The following GLIS3 variants were observed in gnomAD, a reference collection of about 807,000 sequenced individuals.
GLIS3 encodes the protein zinc finger protein GLIS3.
A neutral mutation model predicts 78.6 loss-of-function variants in GLIS3; 53 were observed. The ratio of observed to expected loss-of-function variants is 0.67; its 90% confidence interval spans 0.54 to 0.85. GLIS3 has a LOEUF of 0.85. Ranked by LOEUF, GLIS3 falls within the 40% of genes least tolerant of loss-of-function variation. GLIS3 has a pLI of 0.00. For missense variants in GLIS3, 1,703 were observed against 1,231.1 expected, an observed-to-expected ratio of 1.38 and a Z score of -5.74; for synonymous variants, 684 against 509.9, an observed-to-expected ratio of 1.34 and a Z score of -4.60.
intron 2 of GLIS3, among the ~76,000 whole-genome samples, chr9:4,209,126 AT>A (rs937866920): frequency 1.3e-5 from 2 of 152,200 alleles, no homozygotes; most frequent in African/African-American, 4.8e-5. Context: ...TTCTTCCTGC[AT>A]CAAAATGGAC....
At chr9:4,036,595 G>T (rs900744862) in intron 4 of GLIS3, among the ~76,000 whole-genome samples, 5 of 152,152 alleles carry the variant, frequency 3.3e-5, no homozygotes. Context: ...GAGTGCTAGA[G>T]GAAAAACAGA....
At chr9:3,954,374 C>A (rs945878966) in intron 4 of GLIS3, among the ~76,000 whole-genome samples, 1 of 152,202 alleles carries the variant, frequency 6.6e-6, no homozygotes, top group Non-Finnish European at 1.5e-5. Flanking sequence ...CAGAGCCAGT[C>A]TGCTCACATT....
the GLIS3 span, among the ~76,000 whole-genome samples, chr9:4,438,115 C>T: frequency 2.0e-5 from 3 of 152,062 alleles, no homozygotes; most frequent in African/African-American, 7.2e-5. Context: ...AAACCTAACT[C>T]CAGAACCAGT....
intron 4 of GLIS3, among the ~76,000 whole-genome samples, chr9:4,085,341 C>A (rs1162774454): frequency 6.6e-6 from 1 of 151,876 alleles, no homozygotes; most frequent in East Asian, 1.9e-4. Flanking sequence ...TCTTACTCTG[C>A]ATTTTGAAGA....
the GLIS3 span, among the ~76,000 whole-genome samples, chr9:4,405,418 C>A: frequency 6.6e-6 from 1 of 151,422 alleles, no homozygotes; most frequent in East Asian, 1.9e-4. Flanking sequence ...GAAAGAAATT[C>A]AAATGATCAT....
chr9:4,021,240 G>C (rs1234777104), intron 4 of GLIS3, among the ~76,000 whole-genome samples: 1 of 152,092 alleles, frequency 6.6e-6, no homozygotes, highest in Non-Finnish European at 1.5e-5. Flanking sequence ...TTGGAGGATG[G>C]TTCAAACCAC....
At chr9:4,403,594 T>A in the GLIS3 span, among the ~76,000 whole-genome samples, 20 of 152,318 alleles carry the variant, frequency 1.3e-4, no homozygotes, top group African/African-American at 4.8e-4. Flanking sequence ...GTAGAGTTTT[T>A]ATTAGTTTTC....
At chr9:4,393,097 T>A in the GLIS3 span, among the ~76,000 whole-genome samples, 1 of 152,222 alleles carries the variant, frequency 6.6e-6, no homozygotes, top group African/African-American at 2.4e-5. Flanking sequence ...GTCTTTTTTA[T>A]ATTATAAATT....
intron 4 of GLIS3, among the ~76,000 whole-genome samples, chr9:3,952,753 C>T (rs1193924263): frequency 6.6e-6 from 1 of 152,142 alleles, no homozygotes; most frequent in Non-Finnish European, 1.5e-5. Flanking sequence ...TAGCACAGTG[C>T]TTCTTGCACT....
intron 4 of GLIS3, among the ~76,000 whole-genome samples, chr9:4,096,039 A>G (rs1829917527): frequency 6.6e-6 from 1 of 151,852 alleles, no homozygotes; most frequent in Non-Finnish European, 1.5e-5. Context: ...TCTCTATCAC[A>G]GATTTTGTCA....
At chr9:4,413,350 T>C in the GLIS3 span, among the ~76,000 whole-genome samples, 3 of 152,322 alleles carry the variant, frequency 2.0e-5, no homozygotes, top group African/African-American at 4.8e-5. Flanking sequence ...TCATCTTCTC[T>C]GTTTAATAAC....
the GLIS3 span, among the ~76,000 whole-genome samples, chr9:4,410,259 G>GAGCC: frequency 6.6e-6 from 1 of 151,886 alleles, no homozygotes; most frequent in Non-Finnish European, 1.5e-5. Context: ...TTACAGGCAT[G>GAGCC]AGCCACCACA....
At chr9:3,972,230 A>G (rs1216002174) in intron 4 of GLIS3, among the ~76,000 whole-genome samples, 1 of 152,212 alleles carries the variant, frequency 6.6e-6, no homozygotes, top group Non-Finnish European at 1.5e-5. Context: ...TATCCCCTCC[A>G]GTAAGGCTTA....
At chr9:4,361,029 C>T in the GLIS3 span, among the ~76,000 whole-genome samples, 1 of 152,338 alleles carries the variant, frequency 6.6e-6, no homozygotes, top group Non-Finnish European at 1.5e-5. Flanking sequence ...AAACAGGCCA[C>T]ACTTTGCAGC....
chr9:4,335,584 G>A (rs932909385), intron 2 of GLIS3, among the ~76,000 whole-genome samples: 30 of 152,116 alleles, frequency 2.0e-4, no homozygotes, highest in African/African-American at 6.8e-4. Context: ...CCAGCCCTGG[G>A]GATGGCGTTA....
At chr9:4,049,741 A>T (rs1010832137) in intron 4 of GLIS3, among the ~76,000 whole-genome samples, 18 of 152,218 alleles carry the variant, frequency 1.2e-4, no homozygotes, top group Non-Finnish European at 2.5e-4. Context: ...GAACTCAAAC[A>T]AATTTACAAG....
chr9:4,415,700 T>C, the GLIS3 span, among the ~76,000 whole-genome samples: 1 of 152,214 alleles, frequency 6.6e-6, no homozygotes, highest in Non-Finnish European at 1.5e-5. Flanking sequence ...CAAATTCTTT[T>C]GAAATTCTTG....
At chr9:4,206,590 A>G (rs529874774) in intron 2 of GLIS3, among the ~76,000 whole-genome samples, 4 of 152,346 alleles carry the variant, frequency 2.6e-5, no homozygotes, top group African/African-American at 9.6e-5. Context: ...AAACAAGAGA[A>G]TACTTTATAA....
At chr9:4,305,008 A>T (rs1817193129), upstream of GLIS3, among the ~76,000 whole-genome samples, 1 of 152,150 alleles carries the variant, frequency 6.6e-6, no homozygotes. Flanking sequence ...CAGGCTGGGG[A>T]CACTGCCCCA....
Sources: allele counts gnomAD v4.1 joint callset (sites outside exome capture counted in the v4.1 genomes callset), GRCh38; gene constraint gnomAD v4.1.1; transcripts MANE v1.5; gene names NCBI Gene and HGNC (gene_info 2026-07-23, HGNC 2026-07-21).